The following TLL2 variants were observed in gnomAD, a reference collection of about 807,000 sequenced individuals.
TLL2 encodes the protein tolloid-like protein 2.
In TLL2, 106 loss-of-function variants were observed where a neutral mutation model predicts 123.0. The observed-to-expected ratio is 0.86, with a 90% CI of 0.74 to 1.01. TLL2 has a LOEUF of 1.01. Among genes scored for constraint, TLL2 ranks in the 50% least tolerant of loss-of-function variants. TLL2 has a pLI of 0.00. For synonymous variants in TLL2, 494 were observed against 516.8 expected, an observed-to-expected ratio of 0.96 and a Z score of 0.60; for missense variants, 1,332 against 1,336.7, an observed-to-expected ratio of 1.00 and a Z score of 0.06.
At chr10:96,407,974 A>G (rs1172203011) in intron 9 of TLL2, among the ~76,000 whole-genome samples, 1 of 152,226 alleles carries the variant, frequency 6.6e-6, no homozygotes, top group Non-Finnish European at 1.5e-5. Context: ...TCAACTTTGA[A>G]GCTTTGAAAA....
At chr10:96,387,157 T>G (rs944018637) in intron 13 of TLL2, 79 bp from the exon 14 acceptor site, 48 of 1,568,568 alleles carry the variant, frequency 3.1e-5, no homozygotes, top group Admixed American at 5.1e-5. Context: ...TATCCCAGTG[T>G]CACCAGCAAG....
chr10:96,367,680 T>G lies in TLL2; in HGVS notation c.*408A>C. 1 of 162,696 alleles carries G rather than the reference T, an allele frequency of 6.1e-6. No individual in the cohort carries two copies. Among genetic ancestry groups the G allele is most frequent in the South Asian group, 1.8e-4 (1 of 5,598 alleles). 10.1% of individuals were successfully genotyped at this position (162,696 alleles called of 1,614,324 possible). A position where few individuals can be genotyped will look rare whatever the true frequency, so the allele number is the denominator to read the frequency against. ...GTCTCGGCCAAGTTTTCATCCCTTA[T>G]GCCCAACATGGACAGAAGACAGCCT... On this transcript the variant is annotated 3_prime_UTR_variant, in exon 21 of 21. Transcript: ENST00000357947.
chr10:96,491,605 C>A (rs1277980726), intron 1 of TLL2, among the ~76,000 whole-genome samples: 1 of 152,090 alleles, frequency 6.6e-6, no homozygotes, highest in Admixed American at 6.5e-5. Flanking sequence ...AAATTGAAAT[C>A]TTTATAAATT....
chr10:96,476,820 A>G (rs901899947), intron 2 of TLL2, among the ~76,000 whole-genome samples: 4 of 151,550 alleles, frequency 2.6e-5, no homozygotes, highest in Non-Finnish European at 5.9e-5. Context: ...AGACAACACC[A>G]AAGCACATTG....
At chr10:96,396,601 G>T (rs6584071) in intron 11 of TLL2, among the ~76,000 whole-genome samples, 41,475 of 95,362 alleles carry the variant, frequency 0.43, 6,821 homozygotes, top group Non-Finnish European at 0.5. Flanking sequence ...TTTTTTTTTT[G>T]GTAGAGGGTA....
Position 96,391,090 on chromosome 10 carries a change from C to A in TLL2, c.1727-4012G>T, listed in dbSNP as rs534057827. ...TGCCTCACATCCCATTTCTGTTGGA[C>A]AGTGTTGCACGAGGCTGTGGTCGCT... On this transcript the variant is annotated intron_variant, in intron 13 of 20. Transcript: ENST00000357947. 1.6e-4 allele frequency among the ~76,000 whole-genome samples: 24 copies of A among 152,270 alleles called. 1 individual carries two copies. The East Asian group carries it at 4.6e-3, about 29-fold the overall frequency.
chr10:96,379,777 G>A (rs528070433), intron 16 of TLL2, among the ~76,000 whole-genome samples: 25 of 152,332 alleles, frequency 1.6e-4, no homozygotes, highest in East Asian at 7.7e-4. Context: ...AGCAGAGATC[G>A]CGCCAGTGCA....
At chr10:96,416,383 C>G (rs1846561553) in intron 7 of TLL2, among the ~76,000 whole-genome samples, 1 of 151,470 alleles carries the variant, frequency 6.6e-6, no homozygotes, top group African/African-American at 2.5e-5. Flanking sequence ...AGGCCCTGCA[C>G]TGGGCACTTT....
At chr10:96,490,094 C>T (rs949477237) in intron 1 of TLL2, among the ~76,000 whole-genome samples, 11 of 150,810 alleles carry the variant, frequency 7.3e-5, no homozygotes, top group African/African-American at 2.7e-4. Flanking sequence ...GAGACTCTGT[C>T]TCAAAAAAAA....
intron 14 of TLL2, among the ~76,000 whole-genome samples, chr10:96,386,738 C>T (rs1322373090): frequency 1.3e-5 from 2 of 152,200 alleles, no homozygotes; most frequent in African/African-American, 2.4e-5. Context: ...TGATTTCAGT[C>T]TCTAGGGCAG....
At chr10:96,381,089 C>T (rs775327966) in intron 16 of TLL2, among the ~76,000 whole-genome samples, 1 of 152,210 alleles carries the variant, frequency 6.6e-6, no homozygotes, top group Non-Finnish European at 1.5e-5. Context: ...CACAGGTCCT[C>T]ACCCCTGCTC....
At chr10:96,419,795 A>G (rs1564903504) in intron 7 of TLL2, among the ~76,000 whole-genome samples, 1 of 152,214 alleles carries the variant, frequency 6.6e-6, no homozygotes, top group Non-Finnish European at 1.5e-5. Flanking sequence ...GCCCCTGGCA[A>G]ACAGTGTCCC....
intron 1 of TLL2, among the ~76,000 whole-genome samples, chr10:96,497,183 G>A (rs1218762852): frequency 2.0e-5 from 3 of 151,986 alleles, no homozygotes; most frequent in Non-Finnish European, 4.4e-5. Context: ...CCAGCTACTC[G>A]GGAAGCTGAG....
At chr10:96,501,029 T>C (rs1217775471) in intron 1 of TLL2, among the ~76,000 whole-genome samples, 2 of 152,158 alleles carry the variant, frequency 1.3e-5, no homozygotes, top group African/African-American at 4.8e-5. Flanking sequence ...AGGTACAGCA[T>C]TTTCAGGAGA....
chr10:96,418,409 C>T (rs1846586516), intron 7 of TLL2, among the ~76,000 whole-genome samples: 1 of 152,144 alleles, frequency 6.6e-6, no homozygotes, highest in Admixed American at 6.5e-5. Flanking sequence ...TACAGATTCA[C>T]CTTACTAAAG....
chr10:96,442,527 G>A (rs1188705160), intron 3 of TLL2, among the ~76,000 whole-genome samples: 1 of 152,222 alleles, frequency 6.6e-6, no homozygotes, highest in African/African-American at 2.4e-5. Context: ...GGACTGCCCT[G>A]GATGCTTAAA....
intron 2 of TLL2, among the ~76,000 whole-genome samples, chr10:96,460,294 G>T (rs973172152): frequency 3.3e-5 from 5 of 152,248 alleles, no homozygotes; most frequent in African/African-American, 1.2e-4. Flanking sequence ...TTCTAATTTA[G>T]TAGATGCTAT....
chr10:96,411,012 C>T (rs1846499306), intron 8 of TLL2, among the ~76,000 whole-genome samples: 1 of 151,960 alleles, frequency 6.6e-6, no homozygotes, highest in Admixed American at 6.6e-5. Context: ...GAGGCCAAGG[C>T]GGGTGGGTCA....
At chr10:96,389,778 C>T (rs1440818951) in intron 13 of TLL2, among the ~76,000 whole-genome samples, 1 of 152,200 alleles carries the variant, frequency 6.6e-6, no homozygotes, top group African/African-American at 2.4e-5. Context: ...GGAGAGAGCC[C>T]GGTGGATGGA....
Sources: allele counts gnomAD v4.1 joint callset (sites outside exome capture counted in the v4.1 genomes callset), GRCh38; gene constraint gnomAD v4.1.1; transcripts MANE v1.5; gene names NCBI Gene and HGNC (gene_info 2026-07-23, HGNC 2026-07-21).